TMEM233: variants seen among roughly 807,000 people sequenced by gnomAD.
TMEM233 encodes the protein dispanin subfamily B member 2.
TMEM233 carries 6 observed loss-of-function variants against 11.2 expected under a neutral mutation model. The observed-to-expected ratio is 0.54, with a 90% CI of 0.29 to 1.06. The LOEUF (loss-of-function observed/expected upper bound fraction) is 1.06, where lower values mean the gene tolerates loss of function less well. TMEM233 is among the 50% of genes least tolerant of loss of function. TMEM233 has a pLI of 0.08. For missense variants in TMEM233, 127 were observed against 144.7 expected, an observed-to-expected ratio of 0.88 and a Z score of 0.63; for synonymous variants, 59 against 55.8, an observed-to-expected ratio of 1.06 and a Z score of -0.26.
intron 1 of TMEM233, among the ~76,000 whole-genome samples, chr12:119,629,271 G>T (rs769342855): frequency 3.9e-5 from 6 of 152,132 alleles, no homozygotes; most frequent in Non-Finnish European, 5.9e-5. Context: ...TTAGCCAGGC[G>T]TGGTGGCGGG....
intron 1 of TMEM233, among the ~76,000 whole-genome samples, chr12:119,617,244 C>T (rs911929146): frequency 5.3e-5 from 8 of 152,130 alleles, no homozygotes; most frequent in African/African-American, 1.9e-4. Context: ...TTTAGAACTT[C>T]TTAGAGACTT....
chr12:119,598,487 G>A (rs1954093527), intron 1 of TMEM233, among the ~76,000 whole-genome samples: 1 of 152,188 alleles, frequency 6.6e-6, no homozygotes, highest in Admixed American at 6.5e-5. Context: ...ACCAATAGGT[G>A]TGTGGGGATT....
At chr12:119,635,083 T>C (rs1162977783) in intron 2 of TMEM233, among the ~76,000 whole-genome samples, 2 of 152,294 alleles carry the variant, frequency 1.3e-5, no homozygotes, top group Non-Finnish European at 2.9e-5. Flanking sequence ...AGTGAAGAAA[T>C]AAATCACACA....
intron 1 of TMEM233, among the ~76,000 whole-genome samples, chr12:119,597,451 A>G (rs2136667379): frequency 6.7e-6 from 1 of 149,072 alleles, no homozygotes; most frequent in East Asian, 2.0e-4. Context: ...GGCTCAAAAT[A>G]ATTAGTTTCC....
At chr12:119,616,431 G>A (rs1275567670) in intron 1 of TMEM233, among the ~76,000 whole-genome samples, 1 of 152,230 alleles carries the variant, frequency 6.6e-6, no homozygotes, top group Non-Finnish European at 1.5e-5. Flanking sequence ...AGGATGAAGA[G>A]AGACAGCAAC....
At chr12:119,654,095 G>C in the TMEM233 span, among the ~76,000 whole-genome samples, 1 of 151,938 alleles carries the variant, frequency 6.6e-6, no homozygotes, top group East Asian at 1.9e-4. Flanking sequence ...CACGTACATG[G>C]AAACAAAGGT....
At chr12:119,644,339 A>G (rs1366977092), downstream of TMEM233, among the ~76,000 whole-genome samples, 1 of 152,238 alleles carries the variant, frequency 6.6e-6, no homozygotes, top group Admixed American at 6.5e-5. Flanking sequence ...TACTCTTACC[A>G]GAAGAAGGAG....
intron 1 of TMEM233, among the ~76,000 whole-genome samples, chr12:119,611,342 A>G (rs1433148759): frequency 6.6e-6 from 1 of 152,054 alleles, no homozygotes; most frequent in African/African-American, 2.4e-5. Flanking sequence ...AACACATGTT[A>G]TTATCTTTTT....
At chr12:119,643,408 T>C (rs113142126), downstream of TMEM233, among the ~76,000 whole-genome samples, 3 of 152,372 alleles carry the variant, frequency 2.0e-5, no homozygotes, top group African/African-American at 4.8e-5. Context: ...GTTGGGATGA[T>C]GGGCTTGTCC....
intron 1 of TMEM233, among the ~76,000 whole-genome samples, chr12:119,598,469 T>A (rs1954092980): frequency 6.6e-6 from 1 of 152,200 alleles, no homozygotes; most frequent in Admixed American, 6.5e-5. Context: ...CACATCTGTC[T>A]CACACCTACC....
the TMEM233 span, among the ~76,000 whole-genome samples, chr12:119,649,318 A>G: frequency 6.6e-6 from 1 of 152,168 alleles, no homozygotes; most frequent in Non-Finnish European, 1.5e-5. Flanking sequence ...GAAGAAAAGA[A>G]AAAGAAAAGG....
In TMEM233 at chr12:119,640,840, C is replaced by T; in HGVS notation, c.*135C>T. ...CTCCAGGACTCTCCAGAGGCAGGTC[C>T]CTGGCAAATGAACAAGAAAAAAAAA... On this transcript the variant is annotated 3_prime_UTR_variant, in exon 3 of 3. Transcript: ENST00000426426. 1.3e-6 allele frequency: 1 copy of T among 758,588 alleles called. No individual in the cohort carries two copies. The allele number at this position is 758,588 out of a possible 1,614,324, so 47.0% of individuals were successfully genotyped here.
At chr12:119,653,364 C>A in the TMEM233 span, among the ~76,000 whole-genome samples, 2 of 125,016 alleles carry the variant, frequency 1.6e-5, no homozygotes, top group African/African-American at 3.1e-5. Flanking sequence ...TGCACTCCAG[C>A]CTGGGTGACA....
At chr12:119,631,611 C>A in intron 2 of TMEM233, 1 of 985,410 alleles carries the variant, frequency 1.0e-6, no homozygotes, top group Non-Finnish European at 1.2e-6. Flanking sequence ...ATGAACCTGA[C>A]TATATTCTTA....
Position 119,641,137 on chromosome 12 carries a change from C to T in TMEM233, c.*432C>T, listed in dbSNP as rs1955077651. ...GTGCTGGTATTTACAATGTTGAGCA[C>T]AAACATTTGCAGCATGTTTAAAATT... On this transcript the variant is annotated 3_prime_UTR_variant, in exon 3 of 3. Transcript: ENST00000426426. 1 of 166,136 alleles carries T rather than the reference C, an allele frequency of 6.0e-6. No homozygotes were observed. The highest frequency in any genetic ancestry group is 1.3e-5 in the Non-Finnish European group (1 of 77,152). 10.3% of individuals were successfully genotyped at this position (166,136 alleles called of 1,614,324 possible).
rs561361111 is a variant in TMEM233, at chr12:119,626,465, G to A, written c.187-3271G>A. Among the ~76,000 whole-genome samples, 68 of 110,098 alleles carry A rather than the reference G, an allele frequency of 6.2e-4. 1 individual carries two copies. The highest frequency in any genetic ancestry group is 5.2e-4 in the Non-Finnish European group (29 of 55,368). 72.2% of individuals were successfully genotyped at this position (110,098 alleles called of 152,430 possible). ...AGCCTGGGAAACAAAGCAAGACTCC[G>A]TCTCCGGAAAAAAAAAAAAAAGAAG... On this transcript the variant is annotated intron_variant, in intron 1 of 2. Coordinates refer to ENST00000426426, the MANE Select transcript of TMEM233 (RefSeq NM_001136534.3).
Position 119,641,987 on chromosome 12 carries a change from T to C in TMEM233, c.*1282T>C, listed in dbSNP as rs747410799. ...TATTTATTTTATTTATTACCTTCCA[T>C]TTACAGCTTCCCACAGTGGGGGATG... On this transcript the variant is annotated 3_prime_UTR_variant, in exon 3 of 3. Coordinates refer to ENST00000426426, the MANE Select transcript of TMEM233 (RefSeq NM_001136534.3). 5 of 152,226 alleles carry C rather than the reference T, an allele frequency of 3.3e-5. No individual in the cohort carries two copies. Among genetic ancestry groups the C allele is most frequent in the Non-Finnish European group, 7.3e-5 (5 of 68,044 alleles). 9.4% of individuals were successfully genotyped at this position (152,226 alleles called of 1,614,324 possible). A position where few individuals can be genotyped will look rare whatever the true frequency, so the allele number is the denominator to read the frequency against.
At chr12:119,631,421 C>A (rs1954882533) in intron 2 of TMEM233, 3 of 773,176 alleles carry the variant, frequency 3.9e-6, no homozygotes, top group Admixed American at 6.2e-5. Context: ...CAACCAGTGG[C>A]AGCTGGGTAG....
intron 1 of TMEM233, among the ~76,000 whole-genome samples, chr12:119,605,495 A>G (rs1206463622): frequency 5.1e-5 from 7 of 136,754 alleles, no homozygotes; most frequent in African/African-American, 1.9e-4. Flanking sequence ...TGGTACAACC[A>G]CAGGTCACTG....
Sources: allele counts gnomAD v4.1 joint callset (sites outside exome capture counted in the v4.1 genomes callset), GRCh38; gene constraint gnomAD v4.1.1; transcripts MANE v1.5; gene names NCBI Gene and HGNC (gene_info 2026-07-23, HGNC 2026-07-21).